Variants in GLOD4 observed in about 807,000 individuals in gnomAD.
The protein encoded by GLOD4 is glyoxalase domain containing 4.
A neutral mutation model predicts 39.1 loss-of-function variants in GLOD4; 44 were observed. That is an observed-to-expected ratio of 1.13 (90% CI 0.88 to 1.45). The LOEUF is 1.45. Ranked by LOEUF, GLOD4 falls within the 40% of genes most tolerant of loss-of-function variation. The probability of loss-of-function intolerance (pLI) is 0.00; values close to 1 mark genes in which losing one functional copy is unlikely to be tolerated. For missense variants in GLOD4, 405 were observed against 366.4 expected (o/e 1.11, Z -0.86); for synonymous variants, 145 against 135.0 (o/e 1.07, Z -0.52).
intron 1 of GLOD4, 27 bp from the exon 2 acceptor site, chr17:778,771 G>C: frequency 2.0e-6 from 3 of 1,501,650 alleles, no homozygotes; most frequent in Non-Finnish European, 2.8e-6. Flanking sequence ...AATAAATTGT[G>C]AAGTGTTGCT....
intron 1 of GLOD4, among the ~76,000 whole-genome samples, chr17:779,997 T>C (rs1043394099): frequency 9.9e-5 from 15 of 152,006 alleles, no homozygotes; most frequent in Non-Finnish European, 1.8e-4. Flanking sequence ...ACCCCATCTC[T>C]ACTAAAAATA....
At chr17:769,795 T>C in intron 8 of GLOD4, 74 bp downstream of exon 8, 1 of 919,426 alleles carries the variant, frequency 1.1e-6, no homozygotes, top group East Asian at 2.4e-5. Context: ...CCCTGTTGCT[T>C]AGTCTCCTCC....
At chr17:761,778 A>G (rs1480415048) in intron 8 of GLOD4, among the ~76,000 whole-genome samples, 1 of 152,234 alleles carries the variant, frequency 6.6e-6, no homozygotes, top group Non-Finnish European at 1.5e-5. Context: ...TGCTGGGATT[A>G]CAGGGGTGAG....
intron 1 of GLOD4, chr17:780,863 A>G (rs759672458): frequency 2.6e-5 from 4 of 153,540 alleles, no homozygotes; most frequent in Middle Eastern, 5.2e-4. Flanking sequence ...TAACACTTAT[A>G]TAATCTACTA....
At position 781,123 on chromosome 17, in the gene GLOD4, G is replaced by A. The variant is rs143768226; in HGVS notation, c.90+1043C>T. ...TTTAGTAGAGACAGGGTTTCACCAT[G>A]TTGGCCAGGCTGGTGTCCAACTCCT... On this transcript the variant is annotated intron_variant, in intron 1 of 8. Transcript: ENST00000301329. 4.4e-3 allele frequency among the ~76,000 whole-genome samples: 663 copies of A among 152,066 alleles called. 3 individuals carry two copies. Among genetic ancestry groups the A allele is most frequent in the African/African-American group, 0.014 (599 of 41,492 alleles).
At position 775,777 on chromosome 17, in the gene GLOD4, G is replaced by T; in HGVS notation, c.404C>A (p.Ser135Ter). The T allele has an allele frequency of 6.2e-7, 1 of 1,613,362 alleles. No individual in the cohort carries two copies. The highest frequency in any genetic ancestry group is 1.1e-5 in the South Asian group (1 of 91,030). ...TTTACTGGTTCTGGTATAATTACCTGACTGAGGCAGACTGCGATTCTGCAA... is the reference window on the plus strand; with the variant it reads ...TTTACTGGTTCTGGTATAATTACCTTACTGAGGCAGACTGCGATTCTGCAA... ...FYLQNRSLPQ[S>*]DPVLKVTLAV... Residue 135 changes from serine to a stop codon, truncating the protein, a stop_gained and splice_region_variant, in exon 4 of 9, where the codon TCA becomes TAA. Transcript: ENST00000301329. LOFTEE classifies it high-confidence loss of function.
intron 4 of GLOD4, among the ~76,000 whole-genome samples, chr17:772,189 A>G (rs796980700): frequency 0.019 from 258 of 13,286 alleles, 1 homozygote; most frequent in African/African-American, 0.055. Flanking sequence ...CCTATCTCGA[A>G]AAAAAAAAAA....
Position 782,209 on chromosome 17 carries a change from CG to C in GLOD4, c.46del (p.Arg16AlafsTer14). 1 of 1,613,282 alleles carries C rather than the reference CG, an allele frequency of 6.2e-7. No individual in the cohort carries two copies. Among genetic ancestry groups the C allele is most frequent in the Non-Finnish European group, 8.5e-7 (1 of 1,179,586 alleles). On this transcript the variant is annotated frameshift_variant, in exon 1 of 9. Transcript: ENST00000301329. LOFTEE classifies it high-confidence loss of function. ...ALHFVFKVGN[R>X]FQTARFYRDV... ...CCGATAGAAACGCGCCGTCTGGAAG[CG>C]GTTTCCCACTTTGAATACGAAGTGC...
chr17:783,437 A>G, upstream of GLOD4: 1 of 1,129,328 alleles, frequency 8.9e-7, no homozygotes. Flanking sequence ...CTCGGGTTCA[A>G]GGGATTCTCT....
intron 8 of GLOD4, among the ~76,000 whole-genome samples, chr17:768,743 A>G (rs1907283078): frequency 8.3e-6 from 1 of 120,546 alleles, no homozygotes; most frequent in Non-Finnish European, 1.6e-5. Context: ...AACAGCGCGC[A>G]CTCAGATTTT....
intron 4 of GLOD4, among the ~76,000 whole-genome samples, chr17:773,146 A>G (rs1443906509): frequency 1.3e-5 from 2 of 152,244 alleles, no homozygotes; most frequent in African/African-American, 2.4e-5. Flanking sequence ...ATCATGTAAT[A>G]CAAGTGTAAA....
upstream of GLOD4, chr17:783,000 C>G (rs1188363955): frequency 2.0e-6 from 3 of 1,519,582 alleles, no homozygotes; most frequent in African/African-American, 2.8e-5. Flanking sequence ...CTCCGTAGCT[C>G]TTTATTTCTG....
At chr17:760,445 A>G (rs1260574803) in intron 8 of GLOD4, among the ~76,000 whole-genome samples, 1 of 152,224 alleles carries the variant, frequency 6.6e-6, no homozygotes, top group Non-Finnish European at 1.5e-5. Context: ...TGTTATGTTC[A>G]ATAAGGCAAG....
intron 8 of GLOD4, among the ~76,000 whole-genome samples, chr17:762,556 G>C (rs536730477): frequency 8.6e-5 from 12 of 139,326 alleles, no homozygotes; most frequent in African/African-American, 3.0e-4. Flanking sequence ...TCCAGGCCCC[G>C]GCCGGCACCT....
At chr17:785,234 T>C (rs1450272509), upstream of GLOD4, among the ~76,000 whole-genome samples, 1 of 152,126 alleles carries the variant, frequency 6.6e-6, no homozygotes, top group Non-Finnish European at 1.5e-5. Flanking sequence ...AAAAAGAAAC[T>C]TGTGGATATG....
chr17:785,192 A>G (rs1319767849), upstream of GLOD4, among the ~76,000 whole-genome samples: 9 of 152,160 alleles, frequency 5.9e-5, no homozygotes, highest in Admixed American at 1.3e-4. Context: ...AAAGGTTATC[A>G]TTATCACCTC....
intron 8 of GLOD4, chr17:764,588 G>A (rs1161710957): frequency 1.3e-5 from 2 of 151,650 alleles, no homozygotes; most frequent in African/African-American, 4.9e-5. Context: ...AAAAAATCTA[G>A]AAATAAACCA....
chr17:777,916 A>G (rs2144450094), intron 2 of GLOD4, among the ~76,000 whole-genome samples: 1 of 152,290 alleles, frequency 6.6e-6, no homozygotes, highest in African/African-American at 2.4e-5. Flanking sequence ...TGATTAGAGG[A>G]CTGAACTTTC....
chr17:772,855 C>T (rs1440366594), intron 4 of GLOD4, among the ~76,000 whole-genome samples: 1 of 151,988 alleles, frequency 6.6e-6, no homozygotes, highest in Non-Finnish European at 1.5e-5. Context: ...ATTAGCCGGG[C>T]GTGCTGGCGG....
Sources: gnomAD v4.1 joint callset for allele counts (sites outside exome capture counted in the v4.1 genomes callset) on GRCh38, gnomAD v4.1.1 for gene constraint, MANE v1.5 for transcripts, NCBI Gene and HGNC (gene_info 2026-07-23, HGNC 2026-07-21) for gene names.